Variants in CREB1 observed in about 807,000 individuals in gnomAD.
CREB1 encodes cyclic AMP-responsive element-binding protein 1.
CREB1 carries 2 observed loss-of-function variants against 42.0 expected under a neutral mutation model. That is an observed-to-expected ratio of 0.05 (90% CI 0.02 to 0.15). The LOEUF (loss-of-function observed/expected upper bound fraction) is 0.15, where lower values mean the gene tolerates loss of function less well. Among genes scored for constraint, CREB1 ranks in the 10% least tolerant of loss-of-function variants. The pLI is 1.00. For synonymous variants in CREB1, 123 were observed against 139.9 expected, an observed-to-expected ratio of 0.88 and a Z score of 0.85; for missense variants, 199 against 388.9, an observed-to-expected ratio of 0.51 and a Z score of 4.11.
intron 1 of CREB1, among the ~76,000 whole-genome samples, chr2:207,538,606 G>T (rs778071681): frequency 2.6e-5 from 4 of 152,164 alleles, no homozygotes; most frequent in South Asian, 4.1e-4. Flanking sequence ...AGAGGATGAG[G>T]TCTAAGGAAT....
intron 5 of CREB1, among the ~76,000 whole-genome samples, chr2:207,571,213 T>C (rs1025156995): frequency 6.6e-6 from 1 of 152,024 alleles, no homozygotes; most frequent in African/African-American, 2.4e-5. Flanking sequence ...ATCAGAAATA[T>C]GCATAAAAGT....
intron 7 of CREB1, chr2:207,581,860 C>T (rs1287831575): frequency 1.4e-6 from 1 of 702,512 alleles, no homozygotes; most frequent in Non-Finnish European, 2.6e-6. Flanking sequence ...AGTTTGTTTC[C>T]TTGTCTTTGA....
At chr2:207,554,726 C>T (rs1413888103) in intron 1 of CREB1, among the ~76,000 whole-genome samples, 1 of 152,034 alleles carries the variant, frequency 6.6e-6, no homozygotes, top group South Asian at 2.1e-4. Flanking sequence ...TTTTGTCTTA[C>T]CCAGAATTTT....
rs541521562 is a variant in CREB1, at chr2:207,600,461, AG to A, written c.*3404del. On this transcript the variant is annotated 3_prime_UTR_variant, in exon 8 of 8. Transcript: ENST00000353267. The stretch of plus-strand genomic sequence containing the variant: ...TCTTCCAAGTATTTTATTTTTTATT[AG>A]TTTTCTTTGGCTTGATACTTTTAAA... The A allele has an allele frequency of 7.1e-4, 141 of 198,696 alleles. No individual in the cohort carries two copies. The highest frequency in any genetic ancestry group is 3.1e-3 in the African/African-American group (134 of 43,510). 12.3% of individuals were successfully genotyped at this position (198,696 alleles called of 1,614,324 possible). A position where few individuals can be genotyped will look rare whatever the true frequency, so the allele number is the denominator to read the frequency against.
chr2:207,585,593 C>T (rs1255184648), intron 7 of CREB1, among the ~76,000 whole-genome samples: 3 of 152,036 alleles, frequency 2.0e-5, no homozygotes, highest in Non-Finnish European at 2.9e-5. Context: ...ACCAGGTAAT[C>T]AATAAAATGC....
intron 1 of CREB1, among the ~76,000 whole-genome samples, chr2:207,554,002 TTAA>T (rs1433364933): frequency 1.1e-4 from 16 of 152,364 alleles, no homozygotes; most frequent in East Asian, 7.7e-4. Context: ...AATGGTTCTC[TTAA>T]TGATGGATAA....
intron 1 of CREB1, among the ~76,000 whole-genome samples, chr2:207,554,358 C>G (rs1228648596): frequency 6.6e-6 from 1 of 152,100 alleles, no homozygotes; most frequent in Non-Finnish European, 1.5e-5. Flanking sequence ...GGATCAGTGA[C>G]AGTTTTGATG....
At chr2:207,585,841 C>T (rs1165638421) in intron 7 of CREB1, among the ~76,000 whole-genome samples, 2 of 152,166 alleles carry the variant, frequency 1.3e-5, no homozygotes, top group East Asian at 3.9e-4. Flanking sequence ...GTCAAACACA[C>T]ACTAAAAAGG....
intron 1 of CREB1, among the ~76,000 whole-genome samples, chr2:207,549,575 T>C (rs1056406669): frequency 1.3e-5 from 2 of 152,244 alleles, no homozygotes; most frequent in East Asian, 1.9e-4. Context: ...GATGTAAGAA[T>C]GTATCAGCAA....
At position 207,604,681 on chromosome 2, in the gene CREB1, C is replaced by A. The variant is rs556522066; in HGVS notation, c.*7623C>A. 6.6e-6 allele frequency among the ~76,000 whole-genome samples: 1 copy of A among 152,186 alleles called. No homozygotes were observed. Among genetic ancestry groups the A allele is most frequent in the African/African-American group, 2.4e-5 (1 of 41,448 alleles). The stretch of plus-strand genomic sequence containing the variant: ...CCACAATGGTGTACAACCACCACTT[C>A]TATCTAGCTCCAAAACATTCTCATC... On this transcript the variant is annotated 3_prime_UTR_variant, in exon 8 of 8. Coordinates refer to ENST00000353267, the MANE Select transcript of CREB1 (RefSeq NM_004379.5).
chr2:207,564,040 T>C (rs1334541329), intron 3 of CREB1, among the ~76,000 whole-genome samples: 1 of 152,042 alleles, frequency 6.6e-6, no homozygotes, highest in East Asian at 1.9e-4. Flanking sequence ...AATATATAAA[T>C]TTTTAATATT....
chr2:207,533,213 A>T (rs1014609606), intron 1 of CREB1, among the ~76,000 whole-genome samples: 7 of 150,124 alleles, frequency 4.7e-5, no homozygotes, highest in African/African-American at 1.7e-4. Flanking sequence ...GTTTTGAATG[A>T]TTTTTTTTTT....
intron 3 of CREB1, among the ~76,000 whole-genome samples, chr2:207,565,920 A>G (rs918090293): frequency 3.9e-5 from 6 of 152,178 alleles, no homozygotes; most frequent in African/African-American, 1.4e-4. Flanking sequence ...TGTGTGGGCT[A>G]GTTACAGCAG....
chr2:207,572,225 C>CAAAAAA (rs35000643), intron 5 of CREB1, among the ~76,000 whole-genome samples: 1 of 98,888 alleles, frequency 1.0e-5, no homozygotes, highest in South Asian at 3.4e-4. Context: ...GATTCCGTCT[C>CAAAAAA]AAAAAAAAAA....
chr2:207,564,058 A>G (rs933568212), intron 3 of CREB1, among the ~76,000 whole-genome samples: 5 of 152,202 alleles, frequency 3.3e-5, no homozygotes, highest in Admixed American at 1.3e-4. Context: ...ATTTATGCTT[A>G]TCATATCTCT....
At chr2:207,590,087 T>TG (rs1219816282) in intron 7 of CREB1, among the ~76,000 whole-genome samples, 6 of 95,616 alleles carry the variant, frequency 6.3e-5, no homozygotes, top group South Asian at 2.9e-4. Flanking sequence ...TGAGAAGTTT[T>TG]TTTTTTTTTT....
At chr2:207,553,110 C>T (rs548323264) in intron 1 of CREB1, among the ~76,000 whole-genome samples, 3 of 124,970 alleles carry the variant, frequency 2.4e-5, no homozygotes, top group Admixed American at 1.0e-4. Context: ...ACTCTGACAC[C>T]GAGGCTGGAG....
rs1574850775 is a variant in CREB1, at chr2:207,566,269, G to A, written c.262-1194G>A. On this transcript the variant is annotated intron_variant, in intron 3 of 7. Coordinates refer to ENST00000353267, the MANE Select transcript of CREB1 (RefSeq NM_004379.5). ...CTCAGACCACACATAGAGTACGCTT[G>A]GAATTTCTCAAGTACTTCTGAATAT... 2.0e-5 allele frequency among the ~76,000 whole-genome samples: 3 copies of A among 152,146 alleles called. No homozygotes were observed. In the East Asian group the frequency reaches 5.8e-4, roughly 29 times the overall value.
chr2:207,561,202 A>G lies in CREB1; in HGVS notation c.261+830A>G, dbSNP rs200475533. On this transcript the variant is annotated intron_variant, in intron 3 of 7. Transcript: ENST00000353267. ...AGATTTGGAGAGAACTATTATTAGA[A>G]AGGAAGGTGAGAAATTATTCTTTAT... 53 of 1,496,696 alleles carry G rather than the reference A, an allele frequency of 3.5e-5. No individual in the cohort carries two copies. In the East Asian group the frequency reaches 1.2e-3, roughly 33 times the overall value. The allele number at this position is 1,496,696 out of a possible 1,614,324, so 92.7% of individuals were successfully genotyped here. A position where few individuals can be genotyped will look rare whatever the true frequency, so the allele number is the denominator to read the frequency against.
Sources: allele counts gnomAD v4.1 joint callset (sites outside exome capture counted in the v4.1 genomes callset), GRCh38; gene constraint gnomAD v4.1.1; transcripts MANE v1.5; gene names NCBI Gene and HGNC (gene_info 2026-07-23, HGNC 2026-07-21).